The following DYM variants were observed in gnomAD, a reference collection of about 807,000 sequenced individuals.
The protein encoded by DYM is dyggve-Melchior-Clausen syndrome protein.
Under a neutral mutation model 93.1 loss-of-function variants are expected in DYM, and 78 were observed. The observed-to-expected ratio is 0.84, with a 90% CI of 0.70 to 1.01. The LOEUF (loss-of-function observed/expected upper bound fraction) is 1.01, where lower values mean the gene tolerates loss of function less well. DYM is among the 50% of genes least tolerant of loss of function. The pLI is 0.00. For missense variants in DYM, 789 were observed against 845.0 expected, an observed-to-expected ratio of 0.93 and a Z score of 0.82; for synonymous variants, 321 against 319.7, an observed-to-expected ratio of 1.00 and a Z score of -0.04.
intron 1 of DYM, among the ~76,000 whole-genome samples, chr18:49,450,712 C>G (rs893961416): frequency 1.3e-5 from 2 of 152,114 alleles, no homozygotes; most frequent in African/African-American, 4.8e-5. Flanking sequence ...GTGAATAATA[C>G]TAATATATGT....
chr18:49,224,212 C>T lies in DYM; in HGVS notation c.1461-14497G>A, dbSNP rs370951634. 2.5e-3 allele frequency among the ~76,000 whole-genome samples: 384 copies of T among 151,978 alleles called. 23 individuals carry two copies. The South Asian group carries it at 0.075, about 30-fold the overall frequency. On this transcript the variant is annotated intron_variant, in intron 13 of 17. Coordinates refer to ENST00000675505, the MANE Select transcript of DYM (RefSeq NM_001353214.3). ...TAAATGGTGGTGTCATTCAATGAGGCGGCAACAGAGGAAGAGGATCAAAAG... is the reference window on the plus strand; with the variant it reads ...TAAATGGTGGTGTCATTCAATGAGGTGGCAACAGAGGAAGAGGATCAAAAG...
intron 15 of DYM, 58 bp downstream of exon 15, chr18:49,163,627 A>T: frequency 9.1e-7 from 1 of 1,103,318 alleles, no homozygotes; most frequent in Non-Finnish European, 1.4e-6. Flanking sequence ...TACAGGCAGG[A>T]GTTACTGTGC....
At chr18:49,305,228 A>G (rs1272285294) in intron 8 of DYM, among the ~76,000 whole-genome samples, 1 of 152,006 alleles carries the variant, frequency 6.6e-6, no homozygotes, top group Non-Finnish European at 1.5e-5. Context: ...GCCTGGCAAA[A>G]CCCTAATCTT....
At chr18:49,356,851 G>A (rs1276321328) in intron 6 of DYM, among the ~76,000 whole-genome samples, 1 of 152,060 alleles carries the variant, frequency 6.6e-6, no homozygotes, top group Non-Finnish European at 1.5e-5. Context: ...AATGCTATAA[G>A]CTGAATTTTA....
At chr18:49,316,565 A>G (rs2061956258) in intron 8 of DYM, among the ~76,000 whole-genome samples, 1 of 152,244 alleles carries the variant, frequency 6.6e-6, no homozygotes, top group East Asian at 1.9e-4. Context: ...AAATCCACAC[A>G]GAAGAGATAA....
intron 3 of DYM, among the ~76,000 whole-genome samples, chr18:49,381,022 G>C (rs993168341): frequency 1.4e-4 from 22 of 152,062 alleles, no homozygotes; most frequent in African/African-American, 5.3e-4. Flanking sequence ...ATAGAAACAG[G>C]GTCTCGGTCT....
chr18:49,273,014 C>CAAAA (rs71165380), intron 10 of DYM, among the ~76,000 whole-genome samples: 1 of 146,570 alleles, frequency 6.8e-6, no homozygotes. Context: ...AGAAAACAGG[C>CAAAA]AAAAAAAAAA....
Position 49,375,229 on chromosome 18 carries a change from C to CACACAT in DYM, c.421+3337_421+3338insATGTGT, listed in dbSNP as rs1555715810. ...ACACACACACACACACACACACACACATCTATACCTACCTTGGGCTTTAGA... is the reference window on the plus strand; with the variant it reads ...ACACACACACACACACACACACACACACACATATCTATACCTACCTTGGGCTTTAGA... On this transcript the variant is annotated intron_variant, in intron 5 of 17. Transcript: ENST00000675505. 8.8e-4 allele frequency among the ~76,000 whole-genome samples: 128 copies of CACACAT among 145,856 alleles called. 9 individuals carry two copies. The highest frequency in any genetic ancestry group is 1.4e-3 in the Non-Finnish European group (94 of 66,364).
chr18:49,202,292 A>G (rs2092062667), intron 14 of DYM, among the ~76,000 whole-genome samples: 1 of 152,342 alleles, frequency 6.6e-6, no homozygotes, highest in East Asian at 1.9e-4. Context: ...GTGGTGGAAC[A>G]CAACAGAAAA....
intron 8 of DYM, among the ~76,000 whole-genome samples, chr18:49,314,804 T>TAGAA: frequency 6.6e-6 from 1 of 152,288 alleles, no homozygotes; most frequent in African/African-American, 2.4e-5. Flanking sequence ...GATTGGCTTC[T>TAGAA]GTACATCTCT....
chr18:49,226,535 T>C (rs1206400187), intron 13 of DYM, among the ~76,000 whole-genome samples: 1 of 152,150 alleles, frequency 6.6e-6, no homozygotes, highest in East Asian at 1.9e-4. Context: ...ACTCTACTTG[T>C]GGTCTAATAA....
rs570035005 is a variant in DYM, at chr18:49,397,076, A to C, written c.141-5431T>G. On this transcript the variant is annotated intron_variant, in intron 2 of 17. Coordinates refer to ENST00000675505, the MANE Select transcript of DYM (RefSeq NM_001353214.3). ...AATTTTGAATGTTCTCACCACAAAG[A>C]AATAACAAGTGTTTGAGGTGATGGA... Among the ~76,000 whole-genome samples, 15 of 152,370 alleles carry C rather than the reference A, an allele frequency of 9.8e-5. 1 individual carries two copies. Among genetic ancestry groups the C allele is most frequent in the Admixed American group, 9.8e-4 (15 of 15,300 alleles).
intron 13 of DYM, among the ~76,000 whole-genome samples, chr18:49,221,482 A>G (rs1002366375): frequency 1.3e-5 from 2 of 152,160 alleles, no homozygotes; most frequent in African/African-American, 2.4e-5. Flanking sequence ...CACTATTCAC[A>G]ATAGCAAAGA....
intron 3 of DYM, among the ~76,000 whole-genome samples, chr18:49,386,090 G>C (rs1220701834): frequency 6.6e-6 from 1 of 152,042 alleles, no homozygotes. Flanking sequence ...GGAATTACAG[G>C]TGTGAGTCAC....
At chr18:49,175,533 T>A (rs1224742872) in intron 14 of DYM, among the ~76,000 whole-genome samples, 1 of 152,200 alleles carries the variant, frequency 6.6e-6, no homozygotes, top group East Asian at 1.9e-4. Context: ...TTTAGGTTTA[T>A]AATAACTAGC....
At chr18:49,415,342 A>AT (rs1555734877) in intron 2 of DYM, among the ~76,000 whole-genome samples, 4 of 144,314 alleles carry the variant, frequency 2.8e-5, no homozygotes, top group Admixed American at 7.0e-5. Flanking sequence ...AAAAAAAAAA[A>AT]TTAAAAAAAT....
intron 13 of DYM, among the ~76,000 whole-genome samples, chr18:49,215,404 C>T (rs1168398874): frequency 2.0e-5 from 3 of 152,124 alleles, no homozygotes; most frequent in Non-Finnish European, 4.4e-5. Flanking sequence ...ATTGCTGGTG[C>T]ATGGTGAGAA....
intron 14 of DYM, among the ~76,000 whole-genome samples, chr18:49,177,549 G>C (rs1420909570): frequency 6.6e-6 from 1 of 152,050 alleles, no homozygotes; most frequent in Non-Finnish European, 1.5e-5. Context: ...GCCTTAACTG[G>C]AATTATAGGT....
intron 13 of DYM, among the ~76,000 whole-genome samples, chr18:49,210,425 T>C (rs2092725710): frequency 6.6e-6 from 1 of 152,174 alleles, no homozygotes; most frequent in South Asian, 2.1e-4. Flanking sequence ...GGAACCTAAA[T>C]TACTAAGTGA....
Sources: gnomAD v4.1 joint callset for allele counts (sites outside exome capture counted in the v4.1 genomes callset) on GRCh38, gnomAD v4.1.1 for gene constraint, MANE v1.5 for transcripts, NCBI Gene and HGNC (gene_info 2026-07-23, HGNC 2026-07-21) for gene names.